Variants in CCSER1 observed in about 807,000 individuals in gnomAD.
CCSER1 encodes serine-rich coiled-coil domain-containing protein 1.
Under a neutral mutation model 82.0 loss-of-function variants are expected in CCSER1, and 41 were observed. That is an observed-to-expected ratio of 0.50 (90% CI 0.39 to 0.65). CCSER1 has a LOEUF of 0.65. Among genes scored for constraint, CCSER1 ranks in the 30% least tolerant of loss-of-function variants. CCSER1 has a pLI of 0.00. For missense variants in CCSER1, 1,119 were observed against 1,064.2 expected (o/e 1.05, Z -0.72); for synonymous variants, 414 against 383.9 (o/e 1.08, Z -0.92).
At chr4:91,453,901 A>G (rs1404475937) in intron 10 of CCSER1, among the ~76,000 whole-genome samples, 2 of 152,102 alleles carry the variant, frequency 1.3e-5, no homozygotes, top group Non-Finnish European at 2.9e-5. Flanking sequence ...ATGGAAGAAA[A>G]TAATCAAATA....
At chr4:90,155,140 T>A (rs1578221478) in intron 1 of CCSER1, among the ~76,000 whole-genome samples, 2 of 152,340 alleles carry the variant, frequency 1.3e-5, no homozygotes, top group African/African-American at 4.8e-5. Flanking sequence ...GAGATAATCA[T>A]GTGGTTTTTG....
At chr4:91,302,114 C>T (rs1373273497) in intron 10 of CCSER1, among the ~76,000 whole-genome samples, 1 of 151,998 alleles carries the variant, frequency 6.6e-6, no homozygotes, top group African/African-American at 2.4e-5. Flanking sequence ...ATCACCAGTA[C>T]TGACCTCTTC....
At chr4:90,974,945 A>C (rs1735470812) in intron 9 of CCSER1, among the ~76,000 whole-genome samples, 1 of 151,358 alleles carries the variant, frequency 6.6e-6, no homozygotes, top group Non-Finnish European at 1.5e-5. Flanking sequence ...TTAGTAGCCA[A>C]ATGTGGAAAT....
At chr4:90,765,499 A>C (rs896819854) in intron 7 of CCSER1, among the ~76,000 whole-genome samples, 7 of 152,164 alleles carry the variant, frequency 4.6e-5, no homozygotes, top group Admixed American at 4.6e-4. Flanking sequence ...GAAATAACAT[A>C]AAAACCTATT....
chr4:90,814,147 C>T (rs1029342823), intron 7 of CCSER1, among the ~76,000 whole-genome samples: 2 of 152,220 alleles, frequency 1.3e-5, no homozygotes, highest in Non-Finnish European at 2.9e-5. Context: ...TGAAGAAAGA[C>T]CTGGGCTGTA....
intron 10 of CCSER1, among the ~76,000 whole-genome samples, chr4:91,533,480 T>C (rs1196166434): frequency 6.6e-6 from 1 of 152,166 alleles, no homozygotes; most frequent in Non-Finnish European, 1.5e-5. Context: ...TGGAAGTTGA[T>C]TACGGTAGTT....
chr4:91,353,373 CACGATGTTCTTCTAT>C (rs1560606680), intron 10 of CCSER1, among the ~76,000 whole-genome samples: 2 of 152,170 alleles, frequency 1.3e-5, no homozygotes, highest in Admixed American at 6.5e-5. Flanking sequence ...CAGGGAGTTT[CACGATGTTCTTCTAT>C]ACAATGTCTG....
At chr4:90,456,768 T>C (rs566091030) in intron 4 of CCSER1, among the ~76,000 whole-genome samples, 2 of 152,328 alleles carry the variant, frequency 1.3e-5, no homozygotes, top group South Asian at 2.1e-4. Flanking sequence ...TAGTGGAGTT[T>C]AGGGATTCCC....
intron 10 of CCSER1, among the ~76,000 whole-genome samples, chr4:91,158,479 C>A (rs756081324): frequency 6.6e-6 from 1 of 151,874 alleles, no homozygotes; most frequent in Non-Finnish European, 1.5e-5. Context: ...GGAAATTTTG[C>A]TCCACTATCA....
chr4:90,390,544 G>T (rs1319360278), intron 3 of CCSER1, among the ~76,000 whole-genome samples: 1 of 152,064 alleles, frequency 6.6e-6, no homozygotes. Context: ...GCTATATTTG[G>T]TTTTCTGTTC....
chr4:90,328,365 G>C (rs2153493464), intron 3 of CCSER1, among the ~76,000 whole-genome samples: 1 of 151,670 alleles, frequency 6.6e-6, no homozygotes, highest in East Asian at 1.9e-4. Context: ...TATTGCTATT[G>C]TAATTTTTGT....
intron 5 of CCSER1, among the ~76,000 whole-genome samples, chr4:90,571,879 G>A (rs1406294022): frequency 6.6e-6 from 1 of 151,776 alleles, no homozygotes; most frequent in Non-Finnish European, 1.5e-5. Flanking sequence ...TAATGGTTTT[G>A]TGTTTTATAT....
intron 7 of CCSER1, among the ~76,000 whole-genome samples, chr4:90,764,152 C>T (rs1750835173): frequency 6.6e-6 from 1 of 152,130 alleles, no homozygotes; most frequent in African/African-American, 2.4e-5. Context: ...ACCCAATATA[C>T]TTCTAGAACT....
At position 90,577,182 on chromosome 4, in the gene CCSER1, C is replaced by T. The variant is rs144490008; in HGVS notation, c.1725-50843C>T. Among the ~76,000 whole-genome samples, 115 of 152,142 alleles carry T rather than the reference C, an allele frequency of 7.6e-4. 1 individual carries two copies. The East Asian group carries it at 0.014, about 19-fold the overall frequency. Reference sequence around the variant, plus strand: ...TCTGTATATCTTTTTGTTGACGTATCTGTTTAGGTCTTTTTCCCAGTTTTA... The same window carrying T: ...TCTGTATATCTTTTTGTTGACGTATTTGTTTAGGTCTTTTTCCCAGTTTTA... On this transcript the variant is annotated intron_variant, in intron 5 of 10. Transcript: ENST00000509176.
chr4:91,433,486 C>A (rs971946806), intron 10 of CCSER1, among the ~76,000 whole-genome samples: 10 of 152,156 alleles, frequency 6.6e-5, no homozygotes, highest in African/African-American at 1.2e-4. Context: ...CCAAACAAGG[C>A]AAATGCCCTC....
chr4:90,734,357 C>T (rs186055183), intron 7 of CCSER1, among the ~76,000 whole-genome samples: 124 of 152,174 alleles, frequency 8.1e-4, no homozygotes, highest in African/African-American at 2.6e-3. Flanking sequence ...GATCTCCTGA[C>T]CTCGTGATCT....
At chr4:91,460,529 G>T (rs1274562902) in intron 10 of CCSER1, among the ~76,000 whole-genome samples, 1 of 152,140 alleles carries the variant, frequency 6.6e-6, no homozygotes, top group Non-Finnish European at 1.5e-5. Flanking sequence ...GTATCTACCA[G>T]CTAGAGTCTA....
chr4:91,429,509 T>C (rs1395838757), intron 10 of CCSER1, among the ~76,000 whole-genome samples: 1 of 151,966 alleles, frequency 6.6e-6, no homozygotes, highest in Admixed American at 6.6e-5. Context: ...TTCACCTAAA[T>C]ATACTATTTA....
intron 6 of CCSER1, among the ~76,000 whole-genome samples, chr4:90,690,418 A>G (rs1735609989): frequency 6.6e-6 from 1 of 152,110 alleles, no homozygotes; most frequent in African/African-American, 2.4e-5. Flanking sequence ...CACCGCTTAG[A>G]GAAAGGTTTC....
Sources: gnomAD v4.1 joint callset for allele counts (sites outside exome capture counted in the v4.1 genomes callset) on GRCh38, gnomAD v4.1.1 for gene constraint, MANE v1.5 for transcripts, NCBI Gene and HGNC (gene_info 2026-07-23, HGNC 2026-07-21) for gene names.